NSF: variants seen among roughly 807,000 people sequenced by gnomAD.
NSF encodes vesicle-fusing ATPase.
Under a neutral mutation model 50.3 loss-of-function variants are expected in NSF, and 14 were observed. The observed-to-expected ratio is 0.28, with a 90% confidence interval of 0.18 to 0.44. NSF has a LOEUF of 0.44. Ranked by LOEUF, NSF falls within the 20% of genes least tolerant of loss-of-function variation. The pLI, the probability that NSF is intolerant of heterozygous loss-of-function variation, is 1.00. For missense variants in NSF, 218 were observed against 504.3 expected (o/e 0.43, Z 5.44); for synonymous variants, 109 against 175.7 (o/e 0.62, Z 3.00).
At chr17:46,697,142 C>G (rs1197319489) in intron 12 of NSF, among the ~76,000 whole-genome samples, 1 of 147,580 alleles carries the variant, frequency 6.8e-6, no homozygotes, top group African/African-American at 2.6e-5. Flanking sequence ...TCTTATTCAC[C>G]TCAGAGTCTC....
At chr17:46,601,844 A>G (rs1287076305) in intron 1 of NSF, among the ~76,000 whole-genome samples, 1 of 150,958 alleles carries the variant, frequency 6.6e-6, no homozygotes, top group Non-Finnish European at 1.5e-5. Flanking sequence ...TCTTTTCCGT[A>G]TGAATTCTGG....
intron 15 of NSF, among the ~76,000 whole-genome samples, chr17:46,721,316 TCTTC>T (rs1201887981): frequency 6.6e-6 from 1 of 152,214 alleles, no homozygotes; most frequent in Non-Finnish European, 1.5e-5. Flanking sequence ...CTAGAGCTGC[TCTTC>T]CTTCCTTTAG....
chr17:46,635,810 T>TGTGTGTGTGTGTGC (rs2146161644), intron 4 of NSF, among the ~76,000 whole-genome samples: 1 of 142,488 alleles, frequency 7.0e-6, no homozygotes, highest in Admixed American at 7.2e-5. Flanking sequence ...TGTGTGTGTG[T>TGTGTGTGTGTGTGC]GTGTGTGTGC....
chr17:46,718,991 T>C (rs1175524632), intron 15 of NSF, among the ~76,000 whole-genome samples: 1 of 152,212 alleles, frequency 6.6e-6, no homozygotes, highest in Non-Finnish European at 1.5e-5. Flanking sequence ...CTCTTGGTTT[T>C]ATAAAGCCTA....
At chr17:46,711,150 G>A (rs1489288582) in intron 14 of NSF, 31 bp downstream of exon 14, 2 of 1,462,530 alleles carry the variant, frequency 1.4e-6, no homozygotes, top group Admixed American at 2.9e-5. Context: ...GGCATTAAAA[G>A]TTAAAGGAAA....
chr17:46,713,713 C>A, intron 14 of NSF, 140 bp from the exon 15 acceptor site: 1 of 701,534 alleles, frequency 1.4e-6, no homozygotes, highest in Non-Finnish European at 2.4e-6. Context: ...GAAAACATGT[C>A]TGCTGTGAAA....
intron 17 of NSF, 82 bp downstream of exon 17, chr17:46,729,016 G>A: frequency 1.2e-6 from 1 of 863,662 alleles, no homozygotes; most frequent in Non-Finnish European, 1.8e-6. Flanking sequence ...CTTTAAATAA[G>A]CAGGTTATCA....
chr17:46,729,978 G>A (rs1043291634), intron 17 of NSF, among the ~76,000 whole-genome samples: 1 of 152,032 alleles, frequency 6.6e-6, no homozygotes, highest in Non-Finnish European at 1.5e-5. Context: ...ATCATTCCTA[G>A]TAATTGGAGT....
chr17:46,602,569 C>T (rs1325999900), intron 1 of NSF: 1 of 51,394 alleles, frequency 1.9e-5, no homozygotes, highest in East Asian at 5.1e-4. Context: ...TTTTTAAAAT[C>T]ACCACATAAT....
chr17:46,726,240 A>G (rs1335069412), intron 15 of NSF, among the ~76,000 whole-genome samples: 1 of 152,208 alleles, frequency 6.6e-6, no homozygotes, highest in Non-Finnish European at 1.5e-5. Context: ...TCATTACACT[A>G]AAGTCCTGCT....
At chr17:46,679,124 G>GA (rs1393386407) in intron 9 of NSF, among the ~76,000 whole-genome samples, 4 of 152,034 alleles carry the variant, frequency 2.6e-5, no homozygotes, top group Admixed American at 2.6e-4. Context: ...AAAGGAAAAT[G>GA]AATTATTACC....
At chr17:46,679,699 A>T (rs992877953) in intron 9 of NSF, among the ~76,000 whole-genome samples, 2 of 151,654 alleles carry the variant, frequency 1.3e-5, no homozygotes, top group Admixed American at 6.6e-5. Flanking sequence ...TGTCAAAAAA[A>T]AAAAAAAGAA....
chr17:46,695,115 G>A (rs1202437418), intron 12 of NSF, among the ~76,000 whole-genome samples: 3 of 57,580 alleles, frequency 5.2e-5, no homozygotes, highest in Non-Finnish European at 8.9e-5. Context: ...GCATGGTGGC[G>A]GGCACCTGTA....
chr17:46,748,638 A>T (rs976625777), intron 17 of NSF, among the ~76,000 whole-genome samples: 2 of 152,218 alleles, frequency 1.3e-5, no homozygotes, highest in Non-Finnish European at 2.9e-5. Context: ...CCAGAACTAC[A>T]GCTGTGCCCC....
chr17:46,693,447 C>T (rs1346514782), intron 10 of NSF, among the ~76,000 whole-genome samples: 2 of 151,640 alleles, frequency 1.3e-5, no homozygotes, highest in African/African-American at 2.4e-5. Context: ...TCAGATCCTA[C>T]ATCACTATTA....
At chr17:46,727,905 G>A (rs761790739) in intron 16 of NSF, among the ~76,000 whole-genome samples, 4 of 152,124 alleles carry the variant, frequency 2.6e-5, no homozygotes, top group Non-Finnish European at 5.9e-5. Context: ...AAGTATTAGA[G>A]TCTCAGAAAA....
chr17:46,718,659 C>T (rs575925438), intron 15 of NSF, among the ~76,000 whole-genome samples: 2 of 152,262 alleles, frequency 1.3e-5, no homozygotes, highest in African/African-American at 2.4e-5. Flanking sequence ...TTGCTCAGCT[C>T]TCCACACTGA....
intron 17 of NSF, among the ~76,000 whole-genome samples, chr17:46,730,968 A>C (rs958108781): frequency 1.0e-4 from 8 of 79,130 alleles, no homozygotes; most frequent in African/African-American, 2.4e-4. Context: ...GCTGGTAAGA[A>C]TGTTCCTCAA....
Position 46,755,910 on chromosome 17 carries a change from T to C in NSF, c.*87T>C. 1 of 1,315,592 alleles carries C rather than the reference T, an allele frequency of 7.6e-7. No homozygotes were observed. The highest frequency in any genetic ancestry group is 1.1e-6 in the Non-Finnish European group (1 of 929,122). 81.5% of individuals were successfully genotyped at this position (1,315,592 alleles called of 1,614,324 possible). On this transcript the variant is annotated 3_prime_UTR_variant, in exon 21 of 21. Transcript: ENST00000398238. Reference sequence around the variant, plus strand: ...ATCTTCACTGTCTTACTCAAGATACTGGACTAAGTGGAACGTTCTCTACCT... The same window carrying C: ...ATCTTCACTGTCTTACTCAAGATACCGGACTAAGTGGAACGTTCTCTACCT...
Sources: allele counts gnomAD v4.1 joint callset (sites outside exome capture counted in the v4.1 genomes callset), GRCh38; gene constraint gnomAD v4.1.1; transcripts MANE v1.5; gene names NCBI Gene and HGNC (gene_info 2026-07-23, HGNC 2026-07-21).